Variants in WWOX observed in about 807,000 individuals in gnomAD.
WWOX encodes WW domain containing oxidoreductase.
WWOX carries 69 observed loss-of-function variants against 46.2 expected under a neutral mutation model. That is an observed-to-expected ratio of 1.49 (90% CI 1.23 to 1.82). The LOEUF (loss-of-function observed/expected upper bound fraction) is 1.82, where lower values mean the gene tolerates loss of function less well. WWOX is among the 40% of genes most tolerant of loss of function. WWOX has a pLI of 0.00. For synonymous variants in WWOX, 359 were observed against 202.6 expected (o/e 1.77, Z -6.56); for missense variants, 919 against 542.6 (o/e 1.69, Z -6.89).
At chr16:78,328,178 G>C (rs567724881) in intron 5 of WWOX, among the ~76,000 whole-genome samples, 16 of 152,068 alleles carry the variant, frequency 1.1e-4, no homozygotes, top group Non-Finnish European at 2.1e-4. Flanking sequence ...CCTGAGTTCT[G>C]ATTTCTTAAA....
chr16:78,778,407 G>T (rs16948450), intron 8 of WWOX, among the ~76,000 whole-genome samples: 4,401 of 152,226 alleles, frequency 0.029, 220 homozygotes, highest in African/African-American at 0.1. Context: ...TAAATATGCC[G>T]GTATTGACAT....
intron 8 of WWOX, among the ~76,000 whole-genome samples, chr16:78,697,115 C>T (rs1490044796): frequency 2.6e-5 from 4 of 152,176 alleles, no homozygotes; most frequent in Admixed American, 2.6e-4. Context: ...AATTGTTGTG[C>T]TGTAAACATG....
chr16:78,960,216 C>G (rs574679961), intron 8 of WWOX, among the ~76,000 whole-genome samples: 1 of 152,142 alleles, frequency 6.6e-6, no homozygotes, highest in South Asian at 2.1e-4. Flanking sequence ...ATGTCTGACA[C>G]CAAAAATGAC....
intron 4 of WWOX, among the ~76,000 whole-genome samples, chr16:78,125,688 C>A (rs545938911): frequency 6.6e-6 from 1 of 151,928 alleles, no homozygotes; most frequent in Non-Finnish European, 1.5e-5. Context: ...ATAGCAAGAC[C>A]CCATCTCTAC....
intron 8 of WWOX, chr16:78,825,307 G>T: frequency 3.3e-6 from 1 of 303,226 alleles, no homozygotes; most frequent in Non-Finnish European, 6.6e-6. Context: ...CCAAGAAGAG[G>T]ATGTTGGTCG....
chr16:78,940,499 C>T (rs999779266), intron 8 of WWOX, among the ~76,000 whole-genome samples: 2 of 152,094 alleles, frequency 1.3e-5, no homozygotes, highest in African/African-American at 4.8e-5. Context: ...GGAGTTCTTT[C>T]GAAGTCACAT....
At chr16:78,706,784 C>G (rs1432823261) in intron 8 of WWOX, among the ~76,000 whole-genome samples, 1 of 152,146 alleles carries the variant, frequency 6.6e-6, no homozygotes, top group Non-Finnish European at 1.5e-5. Flanking sequence ...ACCCTTGCAA[C>G]TGACTCAGGA....
intron 8 of WWOX, among the ~76,000 whole-genome samples, chr16:78,912,939 G>T (rs1353452007): frequency 6.6e-6 from 1 of 151,926 alleles, no homozygotes; most frequent in African/African-American, 2.4e-5. Flanking sequence ...AACCTCGAAG[G>T]GTCGAACGGT....
chr16:78,325,602 G>C (rs1401860012), intron 5 of WWOX, among the ~76,000 whole-genome samples: 1 of 152,190 alleles, frequency 6.6e-6, no homozygotes, highest in Admixed American at 6.5e-5. Context: ...AAGGCTAATA[G>C]AGAAGTAATG....
intron 8 of WWOX, among the ~76,000 whole-genome samples, chr16:79,040,939 C>A (rs1205352560): frequency 6.6e-6 from 1 of 152,042 alleles, no homozygotes; most frequent in African/African-American, 2.4e-5. Context: ...ATGGATGGAG[C>A]ATGGGTTTTG....
rs868247919 is a variant in WWOX, at chr16:78,099,695, G to T, written c.-84G>T. ...AGCGGTCGGGCCCCGACGCGCGCGG[G>T]TCTCGTTTGGAGCGGGAGTGAGTTC... On this transcript the variant is annotated 5_prime_UTR_variant, in exon 1 of 9. Transcript: ENST00000566780. 33 of 1,449,922 alleles carry T rather than the reference G, an allele frequency of 2.3e-5. No individual in the cohort carries two copies. The Admixed American group carries it at 7.0e-4, about 31-fold the overall frequency. The allele number at this position is 1,449,922 out of a possible 1,614,324, so 89.8% of individuals were successfully genotyped here.
At chr16:79,118,609 G>A (rs766982274) in intron 8 of WWOX, among the ~76,000 whole-genome samples, 2 of 152,166 alleles carry the variant, frequency 1.3e-5, no homozygotes, top group Admixed American at 6.5e-5. Flanking sequence ...GAGGTATGCC[G>A]ATAATACATA....
At chr16:78,493,070 G>A (rs2084824969) in intron 8 of WWOX, among the ~76,000 whole-genome samples, 1 of 152,142 alleles carries the variant, frequency 6.6e-6, no homozygotes. Flanking sequence ...GAACAGACTA[G>A]CCCCCTGTAC....
intron 5 of WWOX, among the ~76,000 whole-genome samples, chr16:78,247,361 A>G (rs1395616887): frequency 2.0e-5 from 3 of 152,120 alleles, no homozygotes; most frequent in African/African-American, 7.2e-5. Context: ...ACTTGCACCT[A>G]GTGGACATGG....
intron 8 of WWOX, among the ~76,000 whole-genome samples, chr16:78,508,716 T>C (rs1032448762): frequency 6.6e-6 from 1 of 152,004 alleles, no homozygotes; most frequent in Non-Finnish European, 1.5e-5. Flanking sequence ...GGAGAAAGAG[T>C]TGGGAAGCAG....
At chr16:79,114,091 G>A (rs912592176) in intron 8 of WWOX, among the ~76,000 whole-genome samples, 4 of 152,142 alleles carry the variant, frequency 2.6e-5, no homozygotes, top group Admixed American at 2.0e-4. Flanking sequence ...TAAGTCATTT[G>A]CTAGTAAGGG....
chr16:78,745,786 C>G (rs975027753), intron 8 of WWOX, among the ~76,000 whole-genome samples: 1 of 151,252 alleles, frequency 6.6e-6, no homozygotes, highest in Non-Finnish European at 1.5e-5. Flanking sequence ...TCAAATAGTT[C>G]CAAGACCAGA....
At chr16:79,140,931 A>G (rs1478746864) in intron 8 of WWOX, among the ~76,000 whole-genome samples, 2 of 152,196 alleles carry the variant, frequency 1.3e-5, no homozygotes, top group Non-Finnish European at 2.9e-5. Flanking sequence ...TTTGAAATAG[A>G]GATGGTTGGA....
chr16:79,035,858 G>C (rs148638098), intron 8 of WWOX, among the ~76,000 whole-genome samples: 1 of 152,344 alleles, frequency 6.6e-6, no homozygotes, highest in African/African-American at 2.4e-5. Context: ...GCCTCCCAAA[G>C]TGATGGGATT....
Sources: allele counts gnomAD v4.1 joint callset (sites outside exome capture counted in the v4.1 genomes callset), GRCh38; gene constraint gnomAD v4.1.1; transcripts MANE v1.5; gene names NCBI Gene and HGNC (gene_info 2026-07-23, HGNC 2026-07-21).